NEGR1: variants seen among roughly 807,000 people sequenced by gnomAD.
NEGR1 encodes the protein IgLON family member 4.
NEGR1 carries 10 observed loss-of-function variants against 40.9 expected under a neutral mutation model. The observed-to-expected ratio is 0.24, with a 90% CI of 0.15 to 0.42. The LOEUF is 0.42. Among genes scored for constraint, NEGR1 ranks in the 10% least tolerant of loss-of-function variants. NEGR1 has a pLI of 1.00. For synonymous variants in NEGR1, 185 were observed against 166.8 expected, an observed-to-expected ratio of 1.11 and a Z score of -0.84; for missense variants, 352 against 438.9, an observed-to-expected ratio of 0.80 and a Z score of 1.77.
chr1:72,129,454 T>G (rs1308502917), intron 1 of NEGR1, among the ~76,000 whole-genome samples: 1 of 152,184 alleles, frequency 6.6e-6, no homozygotes, highest in African/African-American at 2.4e-5. Flanking sequence ...GATATACAGC[T>G]TTGTTAATTG....
At chr1:71,626,831 G>A (rs940792583) in intron 4 of NEGR1, among the ~76,000 whole-genome samples, 3 of 152,018 alleles carry the variant, frequency 2.0e-5, no homozygotes, top group African/African-American at 4.8e-5. Context: ...CAAAAAGTGG[G>A]TGAAGGATAT....
intron 1 of NEGR1, among the ~76,000 whole-genome samples, chr1:72,028,355 T>C (rs1186565291): frequency 7.2e-5 from 11 of 152,224 alleles, no homozygotes; most frequent in Admixed American, 7.2e-4. Context: ...TATACTCTAC[T>C]GATGAAAGGC....
rs1491010290 is a variant in NEGR1 at position 71,688,337 on chromosome 1, G to GATTATATATAT, written c.667+9670_667+9671insATATATATAAT. On this transcript the variant is annotated intron_variant, in intron 4 of 6. Transcript: ENST00000357731. ...ATATATATATATATATAGATAGATAGATAGATAGATAGATAGATTATATAT... is the reference window on the plus strand; with the variant it reads ...ATATATATATATATATAGATAGATAGATTATATATATATAGATAGATAGATAGATTATATAT... 3.8e-5 allele frequency among the ~76,000 whole-genome samples: 2 copies of GATTATATATAT among 52,546 alleles called. 1 individual carries two copies. The highest frequency in any genetic ancestry group is 1.1e-3 in the East Asian group (2 of 1,840). 34.5% of individuals were successfully genotyped at this position (52,546 alleles called of 152,430 possible). A position where few individuals can be genotyped will look rare whatever the true frequency, so the allele number is the denominator to read the frequency against.
At chr1:71,975,879 A>G (rs528273918) in intron 1 of NEGR1, among the ~76,000 whole-genome samples, 91 of 152,328 alleles carry the variant, frequency 6.0e-4, no homozygotes, top group African/African-American at 2.2e-3. Flanking sequence ...AAATTCACCT[A>G]TCACTTTGGG....
At chr1:72,247,780 C>T (rs973634069) in intron 1 of NEGR1, among the ~76,000 whole-genome samples, 2 of 152,098 alleles carry the variant, frequency 1.3e-5, no homozygotes, top group Admixed American at 1.3e-4. Context: ...ACCTACAGTA[C>T]CAATTTTCTG....
At chr1:72,121,381 T>C (rs1430883847) in intron 1 of NEGR1, among the ~76,000 whole-genome samples, 1 of 152,000 alleles carries the variant, frequency 6.6e-6, no homozygotes, top group African/African-American at 2.4e-5. Context: ...TTTAGATATA[T>C]AATACAGCTA....
intron 1 of NEGR1, among the ~76,000 whole-genome samples, chr1:72,183,874 T>A (rs140139651): frequency 4.7e-4 from 72 of 152,172 alleles, no homozygotes; most frequent in African/African-American, 1.6e-3. Flanking sequence ...CAAGTATGAG[T>A]AATATTTTTT....
chr1:72,244,415 A>G lies in NEGR1; in HGVS notation c.176+37904T>C, dbSNP rs1437735340. 4.6e-5 allele frequency among the ~76,000 whole-genome samples: 7 copies of G among 152,064 alleles called. No homozygotes were observed. The East Asian group carries it at 1.4e-3, about 29-fold the overall frequency. On this transcript the variant is annotated intron_variant, in intron 1 of 6. Coordinates refer to ENST00000357731, the MANE Select transcript of NEGR1 (RefSeq NM_173808.3). Reference sequence around the variant, plus strand: ...CTCATACATGTTTTTCAATATGTACATACATATGTATGTTTACATACACAT... The same window carrying G: ...CTCATACATGTTTTTCAATATGTACGTACATATGTATGTTTACATACACAT...
At chr1:72,214,790 A>T (rs554229256) in intron 1 of NEGR1, among the ~76,000 whole-genome samples, 1 of 152,210 alleles carries the variant, frequency 6.6e-6, no homozygotes, top group Non-Finnish European at 1.5e-5. Flanking sequence ...TGCCCAAAGT[A>T]ATTTATAGAT....
At chr1:71,964,891 C>G (rs1406635309) in intron 1 of NEGR1, among the ~76,000 whole-genome samples, 1 of 151,580 alleles carries the variant, frequency 6.6e-6, no homozygotes, top group African/African-American at 2.4e-5. Flanking sequence ...ATTTCATGTT[C>G]AACTTGAGGA....
chr1:72,184,791 A>T (rs990636435), intron 1 of NEGR1, among the ~76,000 whole-genome samples: 13 of 151,982 alleles, frequency 8.6e-5, no homozygotes, highest in Admixed American at 6.6e-4. Context: ...TAGTTTGTCA[A>T]TCCTGGCAAT....
chr1:71,583,164 C>G (rs1047463697), intron 6 of NEGR1, among the ~76,000 whole-genome samples: 2 of 151,766 alleles, frequency 1.3e-5, no homozygotes, highest in African/African-American at 2.4e-5. Flanking sequence ...AGGTGAGAGC[C>G]TATCACTAAT....
intron 2 of NEGR1, among the ~76,000 whole-genome samples, chr1:71,894,796 C>T (rs1660920530): frequency 6.6e-6 from 1 of 152,082 alleles, no homozygotes; most frequent in Non-Finnish European, 1.5e-5. Flanking sequence ...TAGTTTAAGC[C>T]ACTTGGGAGG....
chr1:71,457,356 C>T (rs762852460), intron 6 of NEGR1, among the ~76,000 whole-genome samples: 1 of 152,214 alleles, frequency 6.6e-6, no homozygotes, highest in Non-Finnish European at 1.5e-5. Flanking sequence ...CAAGCTTCTA[C>T]TTCAATTTTC....
intron 1 of NEGR1, among the ~76,000 whole-genome samples, chr1:72,213,949 C>T (rs572064203): frequency 1.2e-4 from 18 of 152,100 alleles, no homozygotes; most frequent in Non-Finnish European, 2.2e-4. Context: ...TGATGAACAT[C>T]GATGAGAAAA....
intron 4 of NEGR1, among the ~76,000 whole-genome samples, chr1:71,629,102 T>C (rs1650886966): frequency 1.3e-5 from 2 of 152,104 alleles, no homozygotes; most frequent in Non-Finnish European, 2.9e-5. Context: ...TGGTTGCCAT[T>C]CTAACTGGCA....
intron 4 of NEGR1, among the ~76,000 whole-genome samples, chr1:71,615,047 T>C (rs1047298311): frequency 1.3e-5 from 2 of 152,166 alleles, no homozygotes; most frequent in Non-Finnish European, 2.9e-5. Context: ...GGTCCAAGTG[T>C]TGTGAAGTAA....
intron 1 of NEGR1, among the ~76,000 whole-genome samples, chr1:71,968,347 C>T (rs954263790): frequency 2.0e-5 from 3 of 152,162 alleles, no homozygotes; most frequent in Admixed American, 6.5e-5. Flanking sequence ...TACAAAACAA[C>T]TTTGGGATAT....
At chr1:71,631,363 G>A (rs1650963407) in intron 4 of NEGR1, among the ~76,000 whole-genome samples, 1 of 151,770 alleles carries the variant, frequency 6.6e-6, no homozygotes, top group African/African-American at 2.4e-5. Context: ...GTAGCTTTCT[G>A]AGATGTCAGC....
Sources: gnomAD v4.1 joint callset for allele counts (sites outside exome capture counted in the v4.1 genomes callset) on GRCh38, gnomAD v4.1.1 for gene constraint, MANE v1.5 for transcripts, NCBI Gene and HGNC (gene_info 2026-07-23, HGNC 2026-07-21) for gene names.